The following ZNF569 variants were observed in gnomAD, a reference collection of about 807,000 sequenced individuals.
ZNF569 encodes DNA-binding protein.
Under a neutral mutation model 56.3 loss-of-function variants are expected in ZNF569, and 38 were observed. The observed-to-expected ratio is 0.68, with a 90% CI of 0.52 to 0.88. The LOEUF is 0.88. ZNF569 is among the 40% of genes least tolerant of loss of function. The probability of loss-of-function intolerance (pLI) is 0.00; values close to 1 mark genes in which losing one functional copy is unlikely to be tolerated. For synonymous variants in ZNF569, 241 were observed against 262.9 expected, an observed-to-expected ratio of 0.92 and a Z score of 0.81; for missense variants, 666 against 809.2, an observed-to-expected ratio of 0.82 and a Z score of 2.15.
chr19:37,432,983 A>G (rs1304812241), intron 3 of ZNF569, among the ~76,000 whole-genome samples: 2 of 146,024 alleles, frequency 1.4e-5, no homozygotes, highest in Non-Finnish European at 3.0e-5. Flanking sequence ...GGCTCACTGC[A>G]GCCTCGACCT....
intron 3 of ZNF569, among the ~76,000 whole-genome samples, chr19:37,434,559 C>T (rs901917335): frequency 4.6e-5 from 7 of 152,104 alleles, no homozygotes; most frequent in African/African-American, 1.4e-4. Context: ...CGTGGAGTGG[C>T]GCAAGCCTGT....
chr19:37,437,028 A>AG (rs2041320978), intron 3 of ZNF569, among the ~76,000 whole-genome samples: 1 of 151,732 alleles, frequency 6.6e-6, no homozygotes, highest in Admixed American at 6.6e-5. Flanking sequence ...AAAAAAAAAA[A>AG]AAAAGAAAGC....
At chr19:37,423,248 A>G (rs1169259756) in intron 5 of ZNF569, among the ~76,000 whole-genome samples, 2 of 152,218 alleles carry the variant, frequency 1.3e-5, no homozygotes, top group Non-Finnish European at 2.9e-5. Flanking sequence ...AAAAGGAAAA[A>G]TGAAAAGAGT....
intron 5 of ZNF569, among the ~76,000 whole-genome samples, chr19:37,416,503 C>T (rs1210964098): frequency 6.6e-6 from 1 of 152,074 alleles, no homozygotes; most frequent in Non-Finnish European, 1.5e-5. Context: ...ATGCTCAATG[C>T]CTTACATAAA....
intron 5 of ZNF569, among the ~76,000 whole-genome samples, chr19:37,420,012 G>A (rs2041006239): frequency 2.5e-5 from 3 of 121,886 alleles, no homozygotes; most frequent in East Asian, 2.5e-4. Flanking sequence ...TCCCTCTGTC[G>A]CCCAGGCAAG....
At chr19:37,457,111 T>C (rs528439489) in intron 2 of ZNF569, among the ~76,000 whole-genome samples, 9 of 152,264 alleles carry the variant, frequency 5.9e-5, no homozygotes, top group Non-Finnish European at 1.2e-4. Flanking sequence ...TCTAAAAACA[T>C]ATACACAAAC....
chr19:37,432,320 C>T (rs1716645621), intron 3 of ZNF569, among the ~76,000 whole-genome samples: 1 of 152,208 alleles, frequency 6.6e-6, no homozygotes, highest in Non-Finnish European at 1.5e-5. Flanking sequence ...CCAGGCAACT[C>T]AGCACAGAAA....
At chr19:37,462,006 C>A (rs1271489167) in intron 2 of ZNF569, among the ~76,000 whole-genome samples, 2 of 152,122 alleles carry the variant, frequency 1.3e-5, no homozygotes, top group Admixed American at 6.6e-5. Flanking sequence ...ATCATAATTT[C>A]TCTATTCTCT....
chr19:37,440,518 CTG>C (rs1417001631), intron 3 of ZNF569, among the ~76,000 whole-genome samples: 1 of 152,046 alleles, frequency 6.6e-6, no homozygotes, highest in Non-Finnish European at 1.5e-5. Context: ...CTATACAACA[CTG>C]TGAATGTACT....
chr19:37,460,049 A>G (rs1020943285), intron 2 of ZNF569, among the ~76,000 whole-genome samples: 5 of 152,248 alleles, frequency 3.3e-5, no homozygotes, highest in Admixed American at 2.6e-4. Flanking sequence ...GAAGAAACAA[A>G]ACAAAGAAAT....
chr19:37,420,502 A>C (rs2041016795), intron 5 of ZNF569, among the ~76,000 whole-genome samples: 1 of 152,164 alleles, frequency 6.6e-6, no homozygotes. Context: ...CAGCATCTTC[A>C]CCAGGAGTAG....
intron 3 of ZNF569, among the ~76,000 whole-genome samples, chr19:37,438,124 G>A (rs1172226250): frequency 6.6e-6 from 1 of 152,144 alleles, no homozygotes; most frequent in African/African-American, 2.4e-5. Context: ...ACATAGGCCA[G>A]GAAGGGTGGC....
chr19:37,422,203 T>C (rs938494890), intron 5 of ZNF569, among the ~76,000 whole-genome samples: 1 of 152,234 alleles, frequency 6.6e-6, no homozygotes, highest in Admixed American at 6.5e-5. Context: ...GATGTGCGAC[T>C]CTTCCTTTCA....
At chr19:37,438,078 T>G (rs1329134629) in intron 3 of ZNF569, among the ~76,000 whole-genome samples, 1 of 151,818 alleles carries the variant, frequency 6.6e-6, no homozygotes, top group African/African-American at 2.4e-5. Flanking sequence ...AAAACTACAG[T>G]AACCAAAATA....
At chr19:37,446,332 G>A (rs1438454833) in intron 2 of ZNF569, among the ~76,000 whole-genome samples, 1 of 152,010 alleles carries the variant, frequency 6.6e-6, no homozygotes, top group East Asian at 1.9e-4. Context: ...GGCGGATCAC[G>A]AGGTCAGGAG....
At chr19:37,425,010 T>C (rs1267586316) in intron 5 of ZNF569, among the ~76,000 whole-genome samples, 1 of 150,896 alleles carries the variant, frequency 6.6e-6, no homozygotes, top group Non-Finnish European at 1.5e-5. Flanking sequence ...GTCCCAGCTA[T>C]CAGGAGGCTG....
At chr19:37,465,614 TTAC>T (rs1169778018) in intron 1 of ZNF569, 141 bp from the exon 2 acceptor site, 3 of 152,228 alleles carry the variant, frequency 2.0e-5, no homozygotes, top group Admixed American at 6.5e-5. Context: ...TTAACAAAGA[TTAC>T]TACTATTTAG....
intron 2 of ZNF569, among the ~76,000 whole-genome samples, chr19:37,449,600 A>G (rs2041558529): frequency 6.7e-6 from 1 of 149,130 alleles, no homozygotes; most frequent in Admixed American, 6.7e-5. Flanking sequence ...TTCATCCCTG[A>G]TTAAATCCCT....
intron 2 of ZNF569, among the ~76,000 whole-genome samples, chr19:37,462,066 C>T (rs965512424): frequency 1.3e-5 from 2 of 152,120 alleles, no homozygotes; most frequent in Non-Finnish European, 2.9e-5. Flanking sequence ...AACTCTAGCA[C>T]GTCCTCCACC....
Sources: allele counts gnomAD v4.1 joint callset (sites outside exome capture counted in the v4.1 genomes callset), GRCh38; gene constraint gnomAD v4.1.1; transcripts MANE v1.5; gene names NCBI Gene and HGNC (gene_info 2026-07-23, HGNC 2026-07-21).